PAPPA2: variants seen among roughly 807,000 people sequenced by gnomAD.
PAPPA2 encodes the protein pappalysin 2, also known as pappalysin-2.
A neutral mutation model predicts 176.4 loss-of-function variants in PAPPA2; 86 were observed. The observed-to-expected ratio is 0.49, with a 90% CI of 0.41 to 0.58. The LOEUF (loss-of-function observed/expected upper bound fraction) is 0.58. Ranked by LOEUF, PAPPA2 falls within the 20% of genes least tolerant of loss-of-function variation. The pLI, the probability that PAPPA2 is intolerant of heterozygous loss-of-function variation, is 0.00. For synonymous variants in PAPPA2, 809 were observed against 852.2 expected, an observed-to-expected ratio of 0.95 and a Z score of 0.88; for missense variants, 2,073 against 2,256.9, an observed-to-expected ratio of 0.92 and a Z score of 1.65.
Position 176,555,636 on chromosome 1 carries a change from C to A in PAPPA2, c.-687C>A, listed in dbSNP as rs1366259196. On this transcript the variant is annotated 5_prime_UTR_variant, in exon 2 of 23. The change creates a new upstream start codon in the 5' untranslated region. Transcript: ENST00000367662. ...TGGATGGGGACCTGGCTGAAGACATCTGGAGAATGAAAGTTAAGTACCAGC... is the reference window on the plus strand; with the variant it reads ...TGGATGGGGACCTGGCTGAAGACATATGGAGAATGAAAGTTAAGTACCAGC... The A allele has an allele frequency of 6.6e-6, 1 of 152,220 alleles. No homozygotes were observed. Among genetic ancestry groups the A allele is most frequent in the Non-Finnish European group, 1.5e-5 (1 of 68,066 alleles). The allele number at this position is 152,220 out of a possible 1,614,324, so 9.4% of individuals were successfully genotyped here.
intron 21 of PAPPA2, among the ~76,000 whole-genome samples, chr1:176,818,349 A>G (rs1666493451): frequency 6.6e-6 from 1 of 152,198 alleles, no homozygotes; most frequent in Non-Finnish European, 1.5e-5. Context: ...CAATAACTAA[A>G]GACAAAGTTT....
intron 17 of PAPPA2, among the ~76,000 whole-genome samples, chr1:176,774,534 G>A (rs772385326): frequency 2.0e-5 from 3 of 152,068 alleles, no homozygotes; most frequent in Non-Finnish European, 4.4e-5. Flanking sequence ...TCAACTCTGA[G>A]TGTCATTATC....
At chr1:176,816,502 T>A (rs1002537381) in intron 21 of PAPPA2, among the ~76,000 whole-genome samples, 4 of 151,764 alleles carry the variant, frequency 2.6e-5, no homozygotes, top group Non-Finnish European at 4.4e-5. Context: ...AGGTTTCTGC[T>A]TTCCTGCATC....
At chr1:176,790,768 A>G (rs144385575) in intron 18 of PAPPA2, among the ~76,000 whole-genome samples, 24 of 152,344 alleles carry the variant, frequency 1.6e-4, no homozygotes, top group African/African-American at 5.3e-4. Flanking sequence ...GCTACTCTCT[A>G]TGTTCTAGAT....
intron 1 of PAPPA2, among the ~76,000 whole-genome samples, chr1:176,491,240 TGAG>T (rs1647273141): frequency 6.6e-6 from 1 of 152,198 alleles, no homozygotes; most frequent in African/African-American, 2.4e-5. Context: ...AACAGTCTGG[TGAG>T]GAAGAACATA....
chr1:176,752,089 A>G (rs1663201967), intron 14 of PAPPA2, among the ~76,000 whole-genome samples: 1 of 127,164 alleles, frequency 7.9e-6, no homozygotes, highest in African/African-American at 3.1e-5. Flanking sequence ...AACTATCGCA[A>G]GAACAAAAAA....
At chr1:176,548,422 TG>T (rs777250843) in intron 1 of PAPPA2, among the ~76,000 whole-genome samples, 1 of 152,206 alleles carries the variant, frequency 6.6e-6, no homozygotes, top group Non-Finnish European at 1.5e-5. Context: ...CTACATTTCT[TG>T]GAGACATTGG....
chr1:176,724,775 A>C (rs893888223), intron 12 of PAPPA2, among the ~76,000 whole-genome samples: 10 of 152,228 alleles, frequency 6.6e-5, no homozygotes, highest in Non-Finnish European at 1.3e-4. Context: ...CCCTAACACC[A>C]GGCGTCAAAG....
In PAPPA2 at chr1:176,702,667, G is replaced by A. The variant is rs758811812; in HGVS notation, c.3297G>A (p.Leu1099=). 4 of 1,613,882 alleles carry A rather than the reference G, an allele frequency of 2.5e-6. No individual in the cohort carries two copies. In the African/African-American group the frequency reaches 5.3e-5, roughly 22 times the overall value. Residue 1099 remains leucine (L), a synonymous_variant, in exon 9 of 23, where the codon CTG becomes CTA. Coordinates refer to ENST00000367662, the MANE Select transcript of PAPPA2 (RefSeq NM_020318.3). ...TTCTAGCTGAAGCTGGAGGAGAACT[G>A]GGAGAAGCTTCGCCTCCTCTGAACC... ...YQVLAEAGGE[L]GEASPPLNHI...
chr1:176,610,343 G>GT (rs1654843427), intron 3 of PAPPA2, among the ~76,000 whole-genome samples: 1 of 83,698 alleles, frequency 1.2e-5, no homozygotes, highest in African/African-American at 1.2e-4. Context: ...AAAGTTGTGT[G>GT]TGGGGGGGGG....
At chr1:176,658,804 G>A (rs10913234) in intron 3 of PAPPA2, among the ~76,000 whole-genome samples, 26,519 of 151,894 alleles carry the variant, frequency 0.17, 2,471 homozygotes, top group Middle Eastern at 0.23. Flanking sequence ...ATAGGTCATG[G>A]GGTATCAAGA....
chr1:176,524,474 G>A (rs1211621695), intron 1 of PAPPA2, among the ~76,000 whole-genome samples: 1 of 152,140 alleles, frequency 6.6e-6, no homozygotes, highest in African/African-American at 2.4e-5. Context: ...CAAGGAAGAT[G>A]ATGTTAAAAT....
chr1:176,778,843 A>G (rs1283775530), intron 17 of PAPPA2, among the ~76,000 whole-genome samples: 1 of 152,112 alleles, frequency 6.6e-6, no homozygotes, highest in Non-Finnish European at 1.5e-5. Context: ...ATACCTTCAA[A>G]ATTTATCCTT....
intron 2 of PAPPA2, among the ~76,000 whole-genome samples, chr1:176,583,061 T>C (rs1314049188): frequency 1.3e-5 from 2 of 152,136 alleles, no homozygotes; most frequent in Non-Finnish European, 2.9e-5. Context: ...TCTAATGATA[T>C]TTTGTATTTC....
chr1:176,630,008 G>A (rs192379200), intron 3 of PAPPA2, among the ~76,000 whole-genome samples: 5 of 151,476 alleles, frequency 3.3e-5, no homozygotes, highest in East Asian at 3.9e-4. Flanking sequence ...GCAGTGAGCC[G>A]AGATCACACC....
intron 3 of PAPPA2, among the ~76,000 whole-genome samples, chr1:176,641,688 G>T (rs939258944): frequency 3.3e-5 from 5 of 151,876 alleles, no homozygotes; most frequent in Non-Finnish European, 5.9e-5. Context: ...TTAATAATTT[G>T]CATTTCTTAT....
chr1:176,642,788 TA>T (rs1233344056), intron 3 of PAPPA2, among the ~76,000 whole-genome samples: 1 of 151,844 alleles, frequency 6.6e-6, no homozygotes, highest in African/African-American at 2.4e-5. Context: ...CTACTTAGGG[TA>T]AAAAAGAACA....
intron 8 of PAPPA2, 87 bp from the exon 9 acceptor site, chr1:176,702,520 C>T: frequency 1.3e-6 from 2 of 1,549,748 alleles, no homozygotes; most frequent in Non-Finnish European, 1.7e-6. Context: ...TAATATTTCC[C>T]TTCAACTTCT....
chr1:176,587,478 G>A (rs1338426968), intron 2 of PAPPA2, among the ~76,000 whole-genome samples: 1 of 152,176 alleles, frequency 6.6e-6, no homozygotes, highest in Admixed American at 6.5e-5. Flanking sequence ...AAGTTGTAAG[G>A]AAGGGGTTCA....
Sources: allele counts gnomAD v4.1 joint callset (sites outside exome capture counted in the v4.1 genomes callset), GRCh38; gene constraint gnomAD v4.1.1; transcripts MANE v1.5; gene names NCBI Gene and HGNC (gene_info 2026-07-23, HGNC 2026-07-21).